Variants in FTH1 observed in about 807,000 individuals in gnomAD.
FTH1 encodes ferritin heavy chain 1.
Under a neutral mutation model 21.8 loss-of-function variants are expected in FTH1, and 3 were observed. The observed-to-expected ratio is 0.14, with a 90% CI of 0.06 to 0.36. The LOEUF (loss-of-function observed/expected upper bound fraction) is 0.36. Among genes scored for constraint, FTH1 ranks in the 10% least tolerant of loss-of-function variants. FTH1 has a pLI of 1.00. For synonymous variants in FTH1, 83 were observed against 90.1 expected (o/e 0.92, Z 0.45); for missense variants, 147 against 225.8 (o/e 0.65, Z 2.24).
Position 61,967,300 on chromosome 11 carries a change from G to A in FTH1, c.114+12C>T, listed in dbSNP as rs768136029. The A allele has an allele frequency of 4.5e-6, 7 of 1,557,166 alleles. No homozygotes were observed. The South Asian group carries it at 4.6e-5, about 10-fold the overall frequency. ...CCGGCCCCCGCCACCGCTTAGGCCC[G>A]CCCGCGCTCACCATGGACAGGTAAA... On this transcript the variant is annotated intron_variant, in intron 1 of 3. Coordinates refer to ENST00000273550, the MANE Select transcript of FTH1 (RefSeq NM_002032.3).
Position 61,967,561 on chromosome 11 carries a change from G to T in FTH1, c.-136C>A, listed in dbSNP as rs11554856. The T allele has an allele frequency of 4.1e-6, 3 of 727,696 alleles. No homozygotes were observed. The highest frequency in any genetic ancestry group is 7.2e-6 in the Non-Finnish European group (3 of 413,928). The allele number at this position is 727,696 out of a possible 1,614,324, so 45.1% of individuals were successfully genotyped here. On this transcript the variant is annotated 5_prime_UTR_variant, in exon 1 of 4. Coordinates refer to ENST00000273550, the MANE Select transcript of FTH1 (RefSeq NM_002032.3). Reference sequence around the variant, plus strand: ...GCTATGGGCGGCCGGCCGGGGTGGGGAACGAGCGCCGGGTTCCGTCCAAGC... The same window carrying T: ...GCTATGGGCGGCCGGCCGGGGTGGGTAACGAGCGCCGGGTTCCGTCCAAGC...
chr11:61,964,867 A>T lies in FTH1; in HGVS notation c.412T>A (p.Tyr138Asn). 1 of 1,605,232 alleles carries T rather than the reference A, an allele frequency of 6.2e-7. No homozygotes were observed. The highest frequency in any genetic ancestry group is 8.5e-7 in the Non-Finnish European group (1 of 1,179,988). The change falls in exon 4 of 4, where the codon TAC becomes AAC. Residue 138 changes from tyrosine (Y) to asparagine (N), a missense_variant. By Grantham distance (143) the Tyr-to-Asn change is moderately radical. Coordinates refer to ENST00000273550, the MANE Select transcript of FTH1 (RefSeq NM_002032.3). The stretch of plus-strand genomic sequence containing the variant: ...ATGGCTTTCACCTGCTCATTCAGGT[A>T]ATGTGTCTCAATGAAGTCACACAAC... ...PHLCDFIETH[Y>N]LNEQVKAIKE... is the part of the protein sequence containing the mutation.
intron 2 of FTH1, 43 bp downstream of exon 2, chr11:61,965,326 T>C (rs781115599): frequency 1.2e-6 from 2 of 1,611,176 alleles, no homozygotes; most frequent in African/African-American, 2.7e-5. Context: ...ACCCGAACAC[T>C]GCCAGATGAT....
At position 61,967,531 on chromosome 11, in the gene FTH1, G is replaced by A. The variant is rs11554872; in HGVS notation, c.-106C>T. On this transcript the variant is annotated 5_prime_UTR_variant, in exon 1 of 4. Coordinates refer to ENST00000273550, the MANE Select transcript of FTH1 (RefSeq NM_002032.3). ...AGGGTGCGGTGAAGAGGTGACGGAG[G>A]GCTGGCTATGGGCGGCCGGCCGGGG... 65 of 806,222 alleles carry A rather than the reference G, an allele frequency of 8.1e-5. No homozygotes were observed. Among genetic ancestry groups the A allele is most frequent in the Non-Finnish European group, 1.2e-4 (60 of 484,824 alleles). 49.9% of individuals were successfully genotyped at this position (806,222 alleles called of 1,614,324 possible). A position where few individuals can be genotyped will look rare whatever the true frequency, so the allele number is the denominator to read the frequency against.
At chr11:61,965,664 G>A (rs1294094150) in intron 1 of FTH1, 149 bp from the exon 2 acceptor site, 3 of 798,688 alleles carry the variant, frequency 3.8e-6, no homozygotes, top group Non-Finnish European at 6.5e-6. Context: ...GAGACTGGGG[G>A]GCAGATGAGC....
intron 1 of FTH1, 98 bp downstream of exon 1, chr11:61,967,214 G>T: frequency 1.7e-6 from 1 of 579,596 alleles, no homozygotes. Context: ...GCAGGGAGGC[G>T]GGAGAGCCCG....
chr11:61,967,456 G>A lies in FTH1; in HGVS notation c.-31C>T, dbSNP rs773074816. 6.8e-6 allele frequency: 10 copies of A among 1,473,714 alleles called. No individual in the cohort carries two copies. Among genetic ancestry groups the A allele is most frequent in the Non-Finnish European group, 9.3e-6 (10 of 1,075,048 alleles). The allele number at this position is 1,473,714 out of a possible 1,614,324, so 91.3% of individuals were successfully genotyped here. ...CGACTAAGGAGAGGCGGCGGCGGCG[G>A]CGGTGGCTGCGCGGCGCTGGAGCGG... is the stretch of plus-strand genomic sequence containing the variant. On this transcript the variant is annotated 5_prime_UTR_variant, in exon 1 of 4. Coordinates refer to ENST00000273550, the MANE Select transcript of FTH1 (RefSeq NM_002032.3).
chr11:61,964,309 A>G lies in FTH1; in HGVS notation c.*418T>C, dbSNP rs1199060083. ...CTTCAGCCTTTAATGCCTTTTATTC[A>G]TAAAAACTGTGAAAGCTAGACTGAA... On this transcript the variant is annotated 3_prime_UTR_variant, in exon 4 of 4. Transcript: ENST00000273550. 2 of 1,152,090 alleles carry G rather than the reference A, an allele frequency of 1.7e-6. No individual in the cohort carries two copies. Among genetic ancestry groups the G allele is most frequent in the South Asian group, 3.1e-5 (2 of 65,306 alleles). The allele number at this position is 1,152,090 out of a possible 1,614,324, so 71.4% of individuals were successfully genotyped here. A position where few individuals can be genotyped will look rare whatever the true frequency, so the allele number is the denominator to read the frequency against.
At chr11:61,966,432 C>G (rs1407742590) in intron 1 of FTH1, among the ~76,000 whole-genome samples, 1 of 152,232 alleles carries the variant, frequency 6.6e-6, no homozygotes, top group Non-Finnish European at 1.5e-5. Flanking sequence ...GTGACAGTCA[C>G]AGAAATACAG....
In FTH1 at chr11:61,967,563, AC is replaced by A. The variant is rs1942490141; in HGVS notation, c.-139del. ...TATGGGCGGCCGGCCGGGGTGGGGAACGAGCGCCGGGTTCCGTCCAAGCACT... is the reference window on the plus strand; with the variant it reads ...TATGGGCGGCCGGCCGGGGTGGGGAAGAGCGCCGGGTTCCGTCCAAGCACT... On this transcript the variant is annotated 5_prime_UTR_variant, in exon 1 of 4. Transcript: ENST00000273550. The A allele has an allele frequency of 1.4e-6, 1 of 704,586 alleles. No individual in the cohort carries two copies. The highest frequency in any genetic ancestry group is 2.5e-6 in the Non-Finnish European group (1 of 393,572). 43.6% of individuals were successfully genotyped at this position (704,586 alleles called of 1,614,324 possible).
At chr11:61,967,206 A>AGGGAGGC in intron 1 of FTH1, 106 bp downstream of exon 1, 1 of 540,518 alleles carries the variant, frequency 1.9e-6, no homozygotes, top group Non-Finnish European at 3.1e-6. Flanking sequence ...AGAAGGGCGC[A>AGGGAGGC]GGGAGGCGGG....
At position 61,964,473 on chromosome 11, in the gene FTH1, A is replaced by C; in HGVS notation, c.*254T>G. 1 of 615,378 alleles carries C rather than the reference A, an allele frequency of 1.6e-6. No individual in the cohort carries two copies. 38.1% of individuals were successfully genotyped at this position (615,378 alleles called of 1,614,324 possible). A position where few individuals can be genotyped will look rare whatever the true frequency, so the allele number is the denominator to read the frequency against. The stretch of plus-strand genomic sequence containing the variant: ...TACAAATACTCGTTTCTTTTTGATT[A>C]GTGTGATTAGAACTGAACAACGGCA... On this transcript the variant is annotated 3_prime_UTR_variant, in exon 4 of 4. Coordinates refer to ENST00000273550, the MANE Select transcript of FTH1 (RefSeq NM_002032.3).
chr11:61,967,106 G>C (rs564732275), intron 1 of FTH1: 1 of 399,166 alleles, frequency 2.5e-6, no homozygotes, highest in Non-Finnish European at 4.4e-6. Flanking sequence ...CTAGGAGGGA[G>C]CATTCTCAGG....
chr11:61,965,119 G>A lies in FTH1; in HGVS notation c.262-7C>T, dbSNP rs374746157. 6.2e-7 allele frequency: 1 copy of A among 1,603,696 alleles called. No individual in the cohort carries two copies. The highest frequency in any genetic ancestry group is 1.1e-5 in the South Asian group (1 of 91,080). On this transcript the variant is annotated splice_polypyrimidine_tract_variant and splice_region_variant and intron_variant, in intron 2 of 3. Transcript: ENST00000273550. The stretch of plus-strand genomic sequence containing the variant: ...AGTCATCACAGTCTGGTTTCTGAAT[G>A]AGAATAGGTTAATGCATCTCTACCA...
chr11:61,966,838 C>T (rs1809413336), intron 1 of FTH1, among the ~76,000 whole-genome samples: 1 of 152,222 alleles, frequency 6.6e-6, no homozygotes, highest in Non-Finnish European at 1.5e-5. Flanking sequence ...TAAGCCACCT[C>T]CCGCCAGCCC....
At chr11:61,966,589 C>T (rs1418035394) in intron 1 of FTH1, among the ~76,000 whole-genome samples, 1 of 152,152 alleles carries the variant, frequency 6.6e-6, no homozygotes, top group Non-Finnish European at 1.5e-5. Context: ...ATTTCTTGCC[C>T]AGTAACTGTC....
chr11:61,965,327 G>T (rs1461685681), intron 2 of FTH1, 42 bp downstream of exon 2: 1 of 1,610,962 alleles, frequency 6.2e-7, no homozygotes, highest in Admixed American at 1.7e-5. Context: ...CCCGAACACT[G>T]CCAGATGATG....
At position 61,967,214 on chromosome 11, in the gene FTH1, G is replaced by A. The variant is rs559432387; in HGVS notation, c.114+98C>T. The A allele has an allele frequency of 6.9e-6, 4 of 579,598 alleles. No individual in the cohort carries two copies. In the South Asian group the frequency reaches 8.8e-5, roughly 13 times the overall value. The allele number at this position is 579,598 out of a possible 1,614,324, so 35.9% of individuals were successfully genotyped here. Reference sequence around the variant, plus strand: ...ATTTTCCAGAAGGGCGCAGGGAGGCGGGAGAGCCCGCGGGTGGCCACACCC... The same window carrying A: ...ATTTTCCAGAAGGGCGCAGGGAGGCAGGAGAGCCCGCGGGTGGCCACACCC... On this transcript the variant is annotated intron_variant, in intron 1 of 3. Coordinates refer to ENST00000273550, the MANE Select transcript of FTH1 (RefSeq NM_002032.3).
chr11:61,964,542 C>G lies in FTH1; in HGVS notation c.*185G>C, dbSNP rs1942391811. On this transcript the variant is annotated 3_prime_UTR_variant, in exon 4 of 4. Coordinates refer to ENST00000273550, the MANE Select transcript of FTH1 (RefSeq NM_002032.3). ...TAGCCTGGATAGATTTCTGATTCAT[C>G]CCAAGACCTCAAAGACAACACCTGG... 1.4e-6 allele frequency: 1 copy of G among 715,668 alleles called. No homozygotes were observed. 44.3% of individuals were successfully genotyped at this position (715,668 alleles called of 1,614,324 possible).
Sources: gnomAD v4.1 joint callset for allele counts (sites outside exome capture counted in the v4.1 genomes callset) on GRCh38, gnomAD v4.1.1 for gene constraint, MANE v1.5 for transcripts, NCBI Gene and HGNC (gene_info 2026-07-23, HGNC 2026-07-21) for gene names.